Variants in ZNF557 observed in about 807,000 individuals in gnomAD.
ZNF557 encodes zinc finger protein 557, also known as CTB-25J19.9.
ZNF557 carries 19 observed loss-of-function variants against 21.2 expected under a neutral mutation model. The ratio of observed to expected loss-of-function variants is 0.90; its 90% CI spans 0.63 to 1.32. The LOEUF (loss-of-function observed/expected upper bound fraction) is 1.32, where lower values mean the gene tolerates loss of function less well. ZNF557 is among the 40% of genes most tolerant of loss of function. ZNF557 has a pLI of 0.00. For synonymous variants in ZNF557, 207 were observed against 194.8 expected, an observed-to-expected ratio of 1.06 and a Z score of -0.52; for missense variants, 487 against 519.8, an observed-to-expected ratio of 0.94 and a Z score of 0.61.
At chr19:7,070,953 ATGGGGTGT>A (rs1182663329) in intron 2 of ZNF557, among the ~76,000 whole-genome samples, 2 of 152,054 alleles carry the variant, frequency 1.3e-5, no homozygotes, top group Non-Finnish European at 2.9e-5. Flanking sequence ...TTTAGTAAAG[ATGGGGTGT>A]TGCCATGTTG....
rs762013256 is a variant in ZNF557 at position 7,083,775 on chromosome 19, A to C, written c.*31A>C. ...ATAACTGTGGGAAAAGCATTCATTG[A>C]TCTTTCATGCCTCAGATAACATGAG... On this transcript the variant is annotated 3_prime_UTR_variant, in exon 8 of 8. Transcript: ENST00000252840. 5.1e-6 allele frequency: 8 copies of C among 1,564,612 alleles called. No homozygotes were observed. The Admixed American group carries it at 7.3e-5, about 14-fold the overall frequency.
intron 5 of ZNF557, among the ~76,000 whole-genome samples, chr19:7,079,455 T>A (rs935689609): frequency 1.3e-5 from 2 of 151,872 alleles, no homozygotes; most frequent in Non-Finnish European, 2.9e-5. Flanking sequence ...TTAGCCAGGA[T>A]GATCTCGATC....
chr19:7,078,812 T>C (rs1387599228), intron 5 of ZNF557, among the ~76,000 whole-genome samples: 1 of 152,130 alleles, frequency 6.6e-6, no homozygotes, highest in Non-Finnish European at 1.5e-5. Flanking sequence ...AGATGTTTGA[T>C]GGTATCTTCT....
At chr19:7,079,399 G>A (rs566951598) in intron 5 of ZNF557, among the ~76,000 whole-genome samples, 491 of 143,106 alleles carry the variant, frequency 3.4e-3, no homozygotes, top group Non-Finnish European at 5.3e-3. Context: ...CCACCACCAC[G>A]CCTCGCTAAT....
rs201994092 is a variant in ZNF557 at position 7,075,111 on chromosome 19, T to G, written c.31+6T>G. ...CGTCCTGCCCCCAACTGCCGGTGAGTCATGGGGTCCTGGCAGTTCTCAGAG... is the reference window on the plus strand; with the variant it reads ...CGTCCTGCCCCCAACTGCCGGTGAGGCATGGGGTCCTGGCAGTTCTCAGAG... On this transcript the variant is annotated splice_donor_region_variant and intron_variant, in intron 3 of 7. Coordinates refer to ENST00000252840, the MANE Select transcript of ZNF557 (RefSeq NM_024341.3). 2.3e-4 allele frequency: 366 copies of G among 1,613,784 alleles called. 2 individuals carry two copies. The Middle Eastern group carries it at 4.5e-3, about 20-fold the overall frequency.
intron 2 of ZNF557, 90 bp from the exon 3 acceptor site, chr19:7,074,906 G>C (rs1449146761): frequency 2.1e-5 from 22 of 1,032,562 alleles, no homozygotes; most frequent in Middle Eastern, 2.2e-4. Flanking sequence ...GGGTGACCGA[G>C]GCAGGGCACG....
In ZNF557 at chr19:7,075,742, A is replaced by G. The variant is rs1012121516; in HGVS notation, c.119A>G (p.Lys40Arg). 8.1e-6 allele frequency: 13 copies of G among 1,612,988 alleles called. No homozygotes were observed. Among genetic ancestry groups the G allele is most frequent in the Non-Finnish European group, 1.1e-5 (13 of 1,179,212 alleles). Residue 40 changes from lysine to arginine, a missense_variant and splice_region_variant, in exon 4 of 8, where the codon AAG becomes AGG. By Grantham distance (26) the Lys-to-Arg change is conservative. Transcript: ENST00000252840. ...LVNELLKSWL[K>R]GLVTFEDVAV... ...AATGAGCTCCTGAAAAGCTGGCTAA[A>G]GGTGAGTCGGATGTTCCTTTTTCCA...
rs905047941 is a variant in ZNF557 at position 7,075,194 on chromosome 19, G to A, written c.31+89G>A. The A allele has an allele frequency of 4.8e-5, 76 of 1,587,302 alleles. No individual in the cohort carries two copies. The Admixed American group carries it at 1.3e-3, about 26-fold the overall frequency. ...GGATGGGAGGGGGTTGGGCAGAGCA[G>A]GTGAGGCAGGAGTGGAGCCCCAGGG... On this transcript the variant is annotated intron_variant, in intron 3 of 7. Transcript: ENST00000252840.
intron 6 of ZNF557, 84 bp downstream of exon 6, chr19:7,081,539 A>T: frequency 1.1e-6 from 1 of 933,398 alleles, no homozygotes; most frequent in Non-Finnish European, 1.7e-6. Flanking sequence ...ATACATTAGG[A>T]AATATCAGTC....
intron 6 of ZNF557, among the ~76,000 whole-genome samples, 196 bp from the exon 7 acceptor site, chr19:7,081,774 C>G (rs1359742843): frequency 6.6e-6 from 1 of 152,150 alleles, no homozygotes; most frequent in Admixed American, 6.5e-5. Flanking sequence ...CTGTCAACAT[C>G]AATCTCAATC....
At position 7,075,131 on chromosome 19, in the gene ZNF557, T is replaced by C. The variant is rs374639045; in HGVS notation, c.31+26T>C. Reference sequence around the variant, plus strand: ...GTGAGTCATGGGGTCCTGGCAGTTCTCAGAGTCCAGGCTTGAAAGGTCCTG... The same window carrying C: ...GTGAGTCATGGGGTCCTGGCAGTTCCCAGAGTCCAGGCTTGAAAGGTCCTG... On this transcript the variant is annotated intron_variant, in intron 3 of 7. Transcript: ENST00000252840. 1.1e-3 allele frequency: 1,754 copies of C among 1,613,946 alleles called. 3 individuals are homozygous for C. The highest frequency in any genetic ancestry group is 1.4e-3 in the Non-Finnish European group (1,642 of 1,179,950).
In ZNF557 at chr19:7,076,426, G is replaced by C. The variant is rs763759814; in HGVS notation, c.166G>C (p.Glu56Gln). The change falls in exon 5 of 8, where the codon GAG becomes CAG. Residue 56 changes from glutamate (E) to glutamine (Q), a missense_variant. Glu to Gln is a conservative substitution (Grantham distance 29). Coordinates refer to ENST00000252840, the MANE Select transcript of ZNF557 (RefSeq NM_024341.3). ...EDVAVEFTQE[E>Q]WALLDPAQRT... ...TGTGGCCGTGGAGTTCACCCAGGAG[G>C]AGTGGGCATTGCTGGACCCTGCCCA... The C allele has an allele frequency of 6.2e-7, 1 of 1,614,200 alleles. No homozygotes were observed. Among genetic ancestry groups the C allele is most frequent in the South Asian group, 1.1e-5 (1 of 91,090 alleles).
rs1203372650 is a variant in ZNF557, at chr19:7,085,866, A to G, written c.*2122A>G. ...ACAGTGTATTTATTATAATTCTAAA[A>G]CATCAATACACCAAATATTCAGAAA... On this transcript the variant is annotated 3_prime_UTR_variant, in exon 8 of 8. Coordinates refer to ENST00000252840, the MANE Select transcript of ZNF557 (RefSeq NM_024341.3). 6.6e-6 allele frequency: 1 copy of G among 152,160 alleles called. No individual in the cohort carries two copies. Among genetic ancestry groups the G allele is most frequent in the Non-Finnish European group, 1.5e-5 (1 of 68,028 alleles). The allele number at this position is 152,160 out of a possible 1,614,324, so 9.4% of individuals were successfully genotyped here.
In ZNF557 at chr19:7,086,452, C is replaced by G. The variant is rs1977849956; in HGVS notation, c.*2708C>G. ...TTGTGGCTCACTGCAAGCTCTGCCT[C>G]CCAGATTCACGCCATCCTCCTGCCT... On this transcript the variant is annotated 3_prime_UTR_variant, in exon 8 of 8. Transcript: ENST00000252840. 1 of 147,944 alleles carries G rather than the reference C, an allele frequency of 6.8e-6. No homozygotes were observed. Among genetic ancestry groups the G allele is most frequent in the African/African-American group, 2.5e-5 (1 of 40,170 alleles). 9.2% of individuals were successfully genotyped at this position (147,944 alleles called of 1,614,324 possible). A position where few individuals can be genotyped will look rare whatever the true frequency, so the allele number is the denominator to read the frequency against.
chr19:7,073,216 T>G (rs1977503094), intron 2 of ZNF557, among the ~76,000 whole-genome samples: 1 of 149,318 alleles, frequency 6.7e-6, no homozygotes, highest in African/African-American at 2.5e-5. Context: ...AGTGGCATGA[T>G]CTGGTCTCAC....
At position 7,083,667 on chromosome 19, in the gene ZNF557, T is replaced by G. The variant is rs764173466; in HGVS notation, c.1216T>G (p.Cys406Gly). Residue 406 changes from cysteine to glycine, a missense_variant, in exon 8 of 8, where the codon TGT becomes GGT. Cys to Gly is a radical substitution (Grantham distance 159, BLOSUM62 -3). Transcript: ENST00000252840. ...TCACACTGGAAAAAAACCCTATGAATGTAATTATTGCGGGAAATCCTTCAC... is the reference window on the plus strand; with the variant it reads ...TCACACTGGAAAAAAACCCTATGAAGGTAATTATTGCGGGAAATCCTTCAC... Reference protein sequence around the residue: ...RTHTGKKPYECNYCGKSFTSN... With the variant: ...RTHTGKKPYEGNYCGKSFTSN... The G allele has an allele frequency of 1.3e-5, 21 of 1,614,122 alleles. No homozygotes were observed. In the South Asian group the frequency reaches 2.2e-4, roughly 17 times the overall value.
intron 2 of ZNF557, among the ~76,000 whole-genome samples, chr19:7,074,002 CTT>C (rs55922947): frequency 1.7e-3 from 205 of 121,678 alleles, no homozygotes; most frequent in Non-Finnish European, 2.4e-3. Flanking sequence ...CCCTTGACCA[CTT>C]TTTTTTTTTT....
At chr19:7,075,575 A>T in intron 3 of ZNF557, 80 bp from the exon 4 acceptor site, 2 of 1,416,752 alleles carry the variant, frequency 1.4e-6, no homozygotes, top group Non-Finnish European at 2.0e-6. Context: ...GGTCGATCGC[A>T]GGCAGGTGGG....
At position 7,082,878 on chromosome 19, in the gene ZNF557, G is replaced by A. The variant is rs748074536; in HGVS notation, c.427G>A (p.Glu143Lys). The part of the protein sequence containing the change: ...RKEQSRNMKM[E>K]RNHLGATLNE... ...CTTATTGTCATCTCTTAATCAATAGGAGAGGAATCATCTTGGAGCAACACT... is the reference window on the plus strand; with the variant it reads ...CTTATTGTCATCTCTTAATCAATAGAAGAGGAATCATCTTGGAGCAACACT... The change falls in exon 8 of 8, where the codon GAG becomes AAG. Residue 143 changes from glutamate (E) to lysine (K), a missense_variant and splice_region_variant. By Grantham distance (56) the Glu-to-Lys change is moderately conservative. Coordinates refer to ENST00000252840, the MANE Select transcript of ZNF557 (RefSeq NM_024341.3). 6.4e-7 allele frequency: 1 copy of A among 1,567,726 alleles called. No individual in the cohort carries two copies. Among genetic ancestry groups the A allele is most frequent in the East Asian group, 2.3e-5 (1 of 44,418 alleles).
Sources: allele counts gnomAD v4.1 joint callset (sites outside exome capture counted in the v4.1 genomes callset), GRCh38; gene constraint gnomAD v4.1.1; transcripts MANE v1.5; gene names NCBI Gene and HGNC (gene_info 2026-07-23, HGNC 2026-07-21).